Variants in STRN3 observed in about 807,000 individuals in gnomAD.
STRN3 encodes the protein striatin 3.
STRN3 carries 29 observed loss-of-function variants against 95.6 expected under a neutral mutation model. That is an observed-to-expected ratio of 0.30 (90% CI 0.23 to 0.41). STRN3 has a LOEUF of 0.41. Ranked by LOEUF, STRN3 falls within the 10% of genes least tolerant of loss-of-function variation. The pLI, the probability that STRN3 is intolerant of heterozygous loss-of-function variation, is 1.00. For synonymous variants in STRN3, 331 were observed against 357.6 expected (o/e 0.93, Z 0.84); for missense variants, 890 against 972.1 (o/e 0.92, Z 1.12).
intron 10 of STRN3, 69 bp from the exon 11 acceptor site, chr14:30,912,251 G>A (rs537906843): frequency 2.9e-5 from 43 of 1,466,592 alleles, no homozygotes; most frequent in South Asian, 6.9e-5. Flanking sequence ...GTGTTTGTTC[G>A]TTTCTTTTTG....
intron 15 of STRN3, 130 bp downstream of exon 15, chr14:30,905,288 T>A: frequency 9.9e-7 from 1 of 1,007,204 alleles, no homozygotes; most frequent in Middle Eastern, 3.3e-4. Context: ...AGTATAACTG[T>A]AACATTATGA....
intron 7 of STRN3, 24 bp downstream of exon 7, chr14:30,935,139 C>G: frequency 6.2e-7 from 1 of 1,610,168 alleles, no homozygotes; most frequent in Non-Finnish European, 8.5e-7. Context: ...TTTCCTCCCA[C>G]CCGGTATTTC....
At chr14:30,921,058 CTACACATACATA>C (rs1189063158) in intron 8 of STRN3, among the ~76,000 whole-genome samples, 37 of 112,874 alleles carry the variant, frequency 3.3e-4, no homozygotes, top group Middle Eastern at 4.6e-3. Context: ...AGAAGGCTTT[CTACACATACATA>C]TACACACACA....
At chr14:30,925,473 A>C (rs1897005154) in intron 8 of STRN3, among the ~76,000 whole-genome samples, 1 of 152,174 alleles carries the variant, frequency 6.6e-6, no homozygotes, top group Non-Finnish European at 1.5e-5. Context: ...TCTTCCCTCT[A>C]AGAAGCTGCA....
intron 8 of STRN3, among the ~76,000 whole-genome samples, chr14:30,923,404 C>A (rs940567463): frequency 6.6e-6 from 1 of 152,062 alleles, no homozygotes; most frequent in Admixed American, 6.5e-5. Context: ...CAAGACTTCC[C>A]CCTTTTCAAA....
In STRN3 at chr14:30,895,649, C is replaced by T. The variant is rs747457809; in HGVS notation, c.2224+13G>A. Reference sequence around the variant, plus strand: ...TATAAAGTTTGTGGGCAGTACAGGACTTTAAGACTTACTTCCAGACATCAA... The same window carrying T: ...TATAAAGTTTGTGGGCAGTACAGGATTTTAAGACTTACTTCCAGACATCAA... On this transcript the variant is annotated intron_variant, in intron 17 of 17. Transcript: ENST00000357479. 1 of 1,612,382 alleles carries T rather than the reference C, an allele frequency of 6.2e-7. No individual in the cohort carries two copies. Among genetic ancestry groups the T allele is most frequent in the South Asian group, 1.1e-5 (1 of 90,662 alleles).
chr14:30,905,771 A>G (rs1896446019), intron 14 of STRN3, among the ~76,000 whole-genome samples: 1 of 152,212 alleles, frequency 6.6e-6, no homozygotes, highest in African/African-American at 2.4e-5. Context: ...TCTATTTAAT[A>G]TTGTAAGAAA....
intron 1 of STRN3, among the ~76,000 whole-genome samples, chr14:30,970,081 CTTCTT>C (rs2139191955): frequency 6.6e-6 from 1 of 152,362 alleles, no homozygotes; most frequent in Admixed American, 6.5e-5. Context: ...TTCTATTACT[CTTCTT>C]TTCTCACTCT....
At chr14:30,911,980 A>G in intron 11 of STRN3, 27 bp downstream of exon 11, 3 of 1,594,562 alleles carry the variant, frequency 1.9e-6, no homozygotes, top group Non-Finnish European at 2.6e-6. Flanking sequence ...TGGAAGAAAT[A>G]CACCAGGCTA....
In STRN3 at chr14:31,025,752, G is replaced by A; in HGVS notation, c.282+152C>T. 6 of 1,058,572 alleles carry A rather than the reference G, an allele frequency of 5.7e-6. No individual in the cohort carries two copies. In the South Asian group the frequency reaches 9.8e-5, roughly 17 times the overall value. The allele number at this position is 1,058,572 out of a possible 1,614,324, so 65.6% of individuals were successfully genotyped here. A position where few individuals can be genotyped will look rare whatever the true frequency, so the allele number is the denominator to read the frequency against. On this transcript the variant is annotated intron_variant, in intron 1 of 17. Transcript: ENST00000357479. Reference sequence around the variant, plus strand: ...AAGAGGGAGGGGGACTCCAGGAAAAGCCGTTGAGAGGACCATCACAACCTG... The same window carrying A: ...AAGAGGGAGGGGGACTCCAGGAAAAACCGTTGAGAGGACCATCACAACCTG...
chr14:30,924,749 C>T (rs774922014), intron 8 of STRN3, among the ~76,000 whole-genome samples: 2 of 152,008 alleles, frequency 1.3e-5, no homozygotes, highest in Admixed American at 6.6e-5. Context: ...CCCAGCAAGG[C>T]GGGAGTGGAA....
intron 1 of STRN3, among the ~76,000 whole-genome samples, chr14:30,977,043 G>A (rs1881139403): frequency 6.6e-6 from 1 of 151,884 alleles, no homozygotes; most frequent in Non-Finnish European, 1.5e-5. Context: ...TGGCCAACAT[G>A]GTGAAACCCT....
intron 1 of STRN3, among the ~76,000 whole-genome samples, chr14:30,988,372 CTT>C (rs370433079): frequency 2.7e-4 from 41 of 152,274 alleles, no homozygotes; most frequent in African/African-American, 8.9e-4. Flanking sequence ...AAGCTTATCT[CTT>C]TATGCCCCTT....
intron 5 of STRN3, among the ~76,000 whole-genome samples, chr14:30,943,661 A>C (rs1158355965): frequency 6.6e-6 from 1 of 152,232 alleles, no homozygotes; most frequent in African/African-American, 2.4e-5. Flanking sequence ...AAAGAAATAA[A>C]GAAAATGCAG....
At chr14:31,022,845 G>A (rs1033549556) in intron 1 of STRN3, among the ~76,000 whole-genome samples, 1 of 152,092 alleles carries the variant, frequency 6.6e-6, no homozygotes, top group African/African-American at 2.4e-5. Context: ...CACCTCATGA[G>A]GTTATAGTGC....
chr14:30,960,738 G>A (rs986140247), intron 1 of STRN3, among the ~76,000 whole-genome samples: 93 of 151,842 alleles, frequency 6.1e-4, no homozygotes, highest in African/African-American at 2.1e-3. Context: ...GCGTGGTGGC[G>A]GGCGCCTGTA....
intron 1 of STRN3, among the ~76,000 whole-genome samples, chr14:31,022,244 G>C (rs1883539167): frequency 6.6e-6 from 1 of 151,986 alleles, no homozygotes; most frequent in South Asian, 2.1e-4. Flanking sequence ...GCTGGGCGTG[G>C]TGGCAGGCAC....
intron 1 of STRN3, among the ~76,000 whole-genome samples, chr14:31,001,762 T>C (rs556476650): frequency 2.2e-4 from 33 of 152,220 alleles, no homozygotes; most frequent in African/African-American, 7.9e-4. Context: ...AATGGATCTG[T>C]TATCTGTTAT....
chr14:31,009,123 T>G (rs1286447019), intron 1 of STRN3, among the ~76,000 whole-genome samples: 2 of 151,996 alleles, frequency 1.3e-5, no homozygotes, highest in Non-Finnish European at 2.9e-5. Flanking sequence ...ATAAAATATT[T>G]AAAATAAATT....
Sources: gnomAD v4.1 joint callset for allele counts (sites outside exome capture counted in the v4.1 genomes callset) on GRCh38, gnomAD v4.1.1 for gene constraint, MANE v1.5 for transcripts, NCBI Gene and HGNC (gene_info 2026-07-23, HGNC 2026-07-21) for gene names.